The following TMEM184B variants were observed in gnomAD, a reference collection of about 807,000 sequenced individuals.
TMEM184B encodes putative MAPK-activating protein FM08.
A neutral mutation model predicts 41.8 loss-of-function variants in TMEM184B; 17 were observed. The observed-to-expected ratio is 0.41, with a 90% confidence interval of 0.28 to 0.61. The LOEUF (loss-of-function observed/expected upper bound fraction) is 0.61, where lower values mean the gene tolerates loss of function less well. Ranked by LOEUF, TMEM184B falls within the 20% of genes least tolerant of loss-of-function variation. The pLI is 0.34. For missense variants in TMEM184B, 393 were observed against 557.8 expected, an observed-to-expected ratio of 0.70 and a Z score of 2.98; for synonymous variants, 240 against 229.5, an observed-to-expected ratio of 1.05 and a Z score of -0.41.
In TMEM184B at chr22:38,272,467, C is replaced by G. The variant is rs947277126; in HGVS notation, c.-59+417G>C. On this transcript the variant is annotated intron_variant, in intron 1 of 8. Transcript: ENST00000361906. ...GACCACCCTCCCAGGTCACTGCCAC[C>G]CGCACAGGGCACGGACGCCTCCCCC... 17 of 985,416 alleles carry G rather than the reference C, an allele frequency of 1.7e-5. No individual in the cohort carries two copies. In the Admixed American group the frequency reaches 8.0e-4, roughly 46 times the overall value. The allele number at this position is 985,416 out of a possible 1,614,324, so 61.0% of individuals were successfully genotyped here.
At chr22:38,217,211 G>A (rs1409262430), downstream of TMEM184B, among the ~76,000 whole-genome samples, 1 of 151,792 alleles carries the variant, frequency 6.6e-6, no homozygotes, top group Non-Finnish European at 1.5e-5. Context: ...TGGCCCGGGT[G>A]CGGTGGCTCA....
intron 5 of TMEM184B, among the ~76,000 whole-genome samples, chr22:38,227,408 G>A (rs967106846): frequency 4.6e-5 from 7 of 152,136 alleles, no homozygotes; most frequent in Non-Finnish European, 8.8e-5. Flanking sequence ...GGCAGGGCCA[G>A]GTCCTGGAGA....
intron 3 of TMEM184B, among the ~76,000 whole-genome samples, chr22:38,241,355 G>T (rs563998267): frequency 6.6e-6 from 1 of 152,244 alleles, no homozygotes; most frequent in East Asian, 1.9e-4. Context: ...ACTAAAAGAA[G>T]GCAAGTAGTA....
intron 3 of TMEM184B, among the ~76,000 whole-genome samples, chr22:38,234,287 A>T (rs1256821341): frequency 6.6e-6 from 1 of 152,144 alleles, no homozygotes; most frequent in African/African-American, 2.4e-5. Flanking sequence ...GCAGCGGGGA[A>T]GCACGAGCTA....
At chr22:38,251,665 G>A (rs1256905455) in intron 1 of TMEM184B, among the ~76,000 whole-genome samples, 1 of 152,208 alleles carries the variant, frequency 6.6e-6, no homozygotes, top group Non-Finnish European at 1.5e-5. Context: ...TACAGGCACT[G>A]ACCGGGAAGC....
chr22:38,237,850 G>A (rs1025867326), intron 3 of TMEM184B, among the ~76,000 whole-genome samples: 15 of 151,624 alleles, frequency 9.9e-5, no homozygotes, highest in African/African-American at 3.6e-4. Flanking sequence ...GCCCAGGCTG[G>A]AGAGCAATGG....
intron 1 of TMEM184B, among the ~76,000 whole-genome samples, chr22:38,263,644 G>C (rs201293126): frequency 1.3e-5 from 2 of 152,142 alleles, no homozygotes; most frequent in Non-Finnish European, 2.9e-5. Flanking sequence ...TTTTGCACAC[G>C]TGTTAACCCA....
rs146529326 is a variant in TMEM184B at position 38,247,879 on chromosome 22, G to A, written c.83C>T (p.Pro28Leu). The A allele has an allele frequency of 4.3e-4, 688 of 1,612,142 alleles. 2 individuals carry two copies. The highest frequency in any genetic ancestry group is 1.9e-3 in the South Asian group (168 of 90,722). ...AAASPSVSVI[P>L]EGSPTAMEQP... Reference sequence around the variant, plus strand: ...CTCCATGGCAGTGGGGCTGCCCTCGGGGATCACGGAGACGCTGGGCGAGGC... The same window carrying A: ...CTCCATGGCAGTGGGGCTGCCCTCGAGGATCACGGAGACGCTGGGCGAGGC... The change falls in exon 2 of 9, where the codon CCC becomes CTC. Residue 28 changes from proline to leucine, a missense_variant. This residue lies in a region of TMEM184B where 122 missense variants were observed against 123.7 expected (regional missense o/e 0.99). Transcript: ENST00000361906.
rs562834046 is a variant in TMEM184B, at chr22:38,246,844, C to A, written c.193-744G>T. ...CCAGGCAGCCCCTGGGTGTCTCGTCCCAGCTCTCATGACATCACACTTGGC... is the reference window on the plus strand; with the variant it reads ...CCAGGCAGCCCCTGGGTGTCTCGTCACAGCTCTCATGACATCACACTTGGC... On this transcript the variant is annotated intron_variant, in intron 2 of 8. Transcript: ENST00000361906. The A allele has an allele frequency of 5.4e-6, 7 of 1,302,466 alleles. No individual in the cohort carries two copies. The East Asian group carries it at 2.8e-4, about 52-fold the overall frequency. The allele number at this position is 1,302,466 out of a possible 1,614,324, so 80.7% of individuals were successfully genotyped here.
chr22:38,268,611 T>TTTG (rs2092477618), intron 1 of TMEM184B, among the ~76,000 whole-genome samples: 1 of 152,184 alleles, frequency 6.6e-6, no homozygotes. Flanking sequence ...TTATTTCAGG[T>TTTG]CTACTAAGTG....
At chr22:38,258,996 T>C (rs957081737) in intron 1 of TMEM184B, among the ~76,000 whole-genome samples, 13 of 152,152 alleles carry the variant, frequency 8.5e-5, no homozygotes, top group African/African-American at 2.9e-4. Flanking sequence ...ACTGAGAATG[T>C]GGCAGGAGCT....
Position 38,245,915 on chromosome 22 carries a change from C to CCCCCCCCCCCCCCCCCA in TMEM184B, c.358+19_358+20insTGGGGGGGGGGGGGGGG. Reference sequence around the variant, plus strand: ...CCCCCAGCCCCCCGCCAGCCCTCCCCACTCCGTCCCCATCCTCACCCTCAT... The same window carrying CCCCCCCCCCCCCCCCCA: ...CCCCCAGCCCCCCGCCAGCCCTCCCCCCCCCCCCCCCCCCCCAACTCCGTCCCCATCCTCACCCTCAT... On this transcript the variant is annotated intron_variant, in intron 3 of 8. Coordinates refer to ENST00000361906, the MANE Select transcript of TMEM184B (RefSeq NM_012264.5). 1 of 1,594,146 alleles carries CCCCCCCCCCCCCCCCCA rather than the reference C, an allele frequency of 6.3e-7. No homozygotes were observed. Among genetic ancestry groups the CCCCCCCCCCCCCCCCCA allele is most frequent in the African/African-American group, 1.3e-5 (1 of 74,658 alleles).
At chr22:38,222,145 G>C (rs1342041894) in intron 8 of TMEM184B, 1 of 208,026 alleles carries the variant, frequency 4.8e-6, no homozygotes, top group Non-Finnish European at 9.8e-6. Flanking sequence ...CCACCACCGG[G>C]GGAAGTGCTG....
At chr22:38,228,975 G>A (rs572355988) in intron 5 of TMEM184B, among the ~76,000 whole-genome samples, 1 of 152,336 alleles carries the variant, frequency 6.6e-6, no homozygotes, top group East Asian at 1.9e-4. Context: ...GCCCCACCCT[G>A]AACCCAGGAT....
intron 3 of TMEM184B, among the ~76,000 whole-genome samples, chr22:38,241,813 G>C (rs2091913254): frequency 7.0e-6 from 1 of 142,550 alleles, no homozygotes. Context: ...GAACCCAGGA[G>C]ACAGAGTTTG....
chr22:38,226,265 G>A lies in TMEM184B; in HGVS notation c.617+514C>T. The stretch of plus-strand genomic sequence containing the variant: ...CGGTTAATTTTTTGTATTTTTAGTA[G>A]TGATGGGGTTTCACCATGTTGGCCA... On this transcript the variant is annotated intron_variant, in intron 6 of 8. Transcript: ENST00000361906. This position sits in a 1 kb window ranked among gnomAD's most constrained non-coding sequence, Gnocchi z 4.6. 6.6e-6 allele frequency: 1 copy of A among 152,170 alleles called. No homozygotes were observed. The highest frequency in any genetic ancestry group is 2.0e-4 in the South Asian group (1 of 4,934). The allele number at this position is 152,170 out of a possible 1,614,324, so 9.4% of individuals were successfully genotyped here. A position where few individuals can be genotyped will look rare whatever the true frequency, so the allele number is the denominator to read the frequency against.
chr22:38,231,151 A>G, intron 4 of TMEM184B, 93 bp downstream of exon 4: 2 of 1,090,228 alleles, frequency 1.8e-6, no homozygotes, highest in Non-Finnish European at 2.8e-6. Context: ...ACGGGCAGAC[A>G]TGGTCTGTGT....
rs2091197284 is a variant in TMEM184B at position 38,219,369 on chromosome 22, A to C, written c.*2100T>G. The C allele has an allele frequency of 3.0e-6, 3 of 985,714 alleles. No homozygotes were observed. In the South Asian group the frequency reaches 1.4e-4, roughly 46 times the overall value. The allele number at this position is 985,714 out of a possible 1,614,324, so 61.1% of individuals were successfully genotyped here. ...TTTGCTCACTTCTGTCACGCATTTA[A>C]AATGTCACAGAGACCAAAATAGAGT... On this transcript the variant is annotated 3_prime_UTR_variant, in exon 9 of 9. Coordinates refer to ENST00000361906, the MANE Select transcript of TMEM184B (RefSeq NM_012264.5).
Position 38,220,108 on chromosome 22 carries a change from A to G in TMEM184B, c.*1361T>C. The G allele has an allele frequency of 2.0e-6, 2 of 985,372 alleles. No individual in the cohort carries two copies. Among genetic ancestry groups the G allele is most frequent in the Non-Finnish European group, 2.4e-6 (2 of 829,944 alleles). 61.0% of individuals were successfully genotyped at this position (985,372 alleles called of 1,614,324 possible). Reference sequence around the variant, plus strand: ...TAATCTGGGTTTTAAATGCCAGGACACTTTGCCTGTAGGGACACGTGTTGT... The same window carrying G: ...TAATCTGGGTTTTAAATGCCAGGACGCTTTGCCTGTAGGGACACGTGTTGT... On this transcript the variant is annotated 3_prime_UTR_variant, in exon 9 of 9. Coordinates refer to ENST00000361906, the MANE Select transcript of TMEM184B (RefSeq NM_012264.5).
Sources: gnomAD v4.1 joint callset for allele counts (sites outside exome capture counted in the v4.1 genomes callset) on GRCh38, gnomAD v4.1.1 for gene constraint, gnomAD v4.1.1 regional missense constraint, Gnocchi (gnomAD v3.1) non-coding constraint, MANE v1.5 for transcripts, NCBI Gene and HGNC (gene_info 2026-07-23, HGNC 2026-07-21) for gene names.